Variants in DAB1 observed in about 807,000 individuals in gnomAD.
The protein encoded by DAB1 is DAB adaptor protein 1, also known as disabled homolog 1.
In DAB1, 15 loss-of-function variants were observed where a neutral mutation model predicts 64.6. The ratio of observed to expected loss-of-function variants is 0.23; its 90% CI spans 0.16 to 0.36. The LOEUF (loss-of-function observed/expected upper bound fraction) is 0.36. Among genes scored for constraint, DAB1 ranks in the 10% least tolerant of loss-of-function variants. The probability of loss-of-function intolerance (pLI) is 1.00; values close to 1 mark genes in which losing one functional copy is unlikely to be tolerated. For synonymous variants in DAB1, 235 were observed against 251.9 expected, an observed-to-expected ratio of 0.93 and a Z score of 0.64; for missense variants, 596 against 706.7, an observed-to-expected ratio of 0.84 and a Z score of 1.78.
chr1:57,991,790 G>T (rs985064082), intron 5 of DAB1, among the ~76,000 whole-genome samples: 1 of 139,282 alleles, frequency 7.2e-6, no homozygotes, highest in African/African-American at 2.6e-5. Context: ...AGGCTGCAGT[G>T]AGCTGAGATC....
intron 2 of DAB1, among the ~76,000 whole-genome samples, chr1:57,183,229 G>A (rs779068481): frequency 6.6e-6 from 1 of 152,128 alleles, no homozygotes; most frequent in African/African-American, 2.4e-5. Flanking sequence ...GAGGTGAATG[G>A]GTCTGGATTT....
intron 2 of DAB1, among the ~76,000 whole-genome samples, chr1:57,286,590 T>C (rs1169894173): frequency 6.6e-6 from 1 of 152,196 alleles, no homozygotes; most frequent in Non-Finnish European, 1.5e-5. Flanking sequence ...TAAGCATATA[T>C]AGCTTTTAAA....
intron 7 of DAB1, among the ~76,000 whole-genome samples, chr1:57,432,690 T>C (rs1685559689): frequency 6.6e-6 from 1 of 152,238 alleles, no homozygotes; most frequent in African/African-American, 2.4e-5. Context: ...TTTTCTGTTA[T>C]ATGAGCCAAT....
At chr1:58,462,271 C>T (rs1042887109) in intron 3 of DAB1, among the ~76,000 whole-genome samples, 7 of 151,922 alleles carry the variant, frequency 4.6e-5, no homozygotes, top group African/African-American at 7.2e-5. Context: ...GGACTACAGG[C>T]GCCCGCCACC....
intron 5 of DAB1, among the ~76,000 whole-genome samples, chr1:58,031,058 G>C (rs6699738): frequency 0.4 from 61,220 of 152,018 alleles, 12,627 homozygotes; most frequent in Non-Finnish European, 0.44. Flanking sequence ...GGGGGGATTT[G>C]AGCTGGGTTT....
chr1:58,454,696 G>A lies in DAB1; in HGVS notation n.257+51364C>T, dbSNP rs973336360. 5.3e-5 allele frequency among the ~76,000 whole-genome samples: 8 copies of A among 152,184 alleles called. No individual in the cohort carries two copies. In the South Asian group the frequency reaches 8.3e-4, roughly 16 times the overall value. ...CTCACCCAGGGCTTGATTGAGAGGCGGCTGCCTTGTCCCCTCTGCTCTAGG... is the reference window on the plus strand; with the variant it reads ...CTCACCCAGGGCTTGATTGAGAGGCAGCTGCCTTGTCCCCTCTGCTCTAGG... On this transcript the variant is annotated intron_variant and non_coding_transcript_variant, in intron 3 of 20. Transcript: ENST00000485760.
At chr1:58,333,458 G>A (rs531559657) in intron 4 of DAB1, among the ~76,000 whole-genome samples, 1 of 152,350 alleles carries the variant, frequency 6.6e-6, no homozygotes, top group East Asian at 1.9e-4. Context: ...GATGTTAACA[G>A]AAGAGTTATA....
At chr1:58,030,896 TG>T (rs1646961209) in intron 5 of DAB1, among the ~76,000 whole-genome samples, 2 of 152,296 alleles carry the variant, frequency 1.3e-5, no homozygotes, top group South Asian at 4.1e-4. Flanking sequence ...ATGCAATAAC[TG>T]GTGATGGTCC....
chr1:57,469,951 A>G (rs1053330305), intron 7 of DAB1, among the ~76,000 whole-genome samples: 10 of 152,236 alleles, frequency 6.6e-5, no homozygotes, highest in African/African-American at 1.7e-4. Context: ...TCATTTGACC[A>G]TGAAACTATT....
intron 1 of DAB1, among the ~76,000 whole-genome samples, chr1:57,833,094 A>C (rs1292499697): frequency 6.6e-6 from 1 of 151,780 alleles, no homozygotes; most frequent in East Asian, 1.9e-4. Flanking sequence ...CTATGCTTAC[A>C]GTACTTTTCT....
intron 7 of DAB1, among the ~76,000 whole-genome samples, chr1:57,631,450 A>C (rs1645988254): frequency 6.6e-6 from 1 of 152,172 alleles, no homozygotes. Flanking sequence ...TAACATTTTC[A>C]TTTTCAATTT....
intron 5 of DAB1, among the ~76,000 whole-genome samples, chr1:57,948,308 G>T (rs903142199): frequency 5.9e-5 from 9 of 152,128 alleles, no homozygotes; most frequent in Non-Finnish European, 1.2e-4. Flanking sequence ...GTTAACATTG[G>T]TTTTCTCAGC....
chr1:57,799,170 A>C (rs1651009276), intron 6 of DAB1, among the ~76,000 whole-genome samples: 1 of 152,188 alleles, frequency 6.6e-6, no homozygotes, highest in Non-Finnish European at 1.5e-5. Context: ...AGGTGAAATG[A>C]GATTCGATGA....
At chr1:58,291,489 T>G (rs1017606690) in intron 4 of DAB1, among the ~76,000 whole-genome samples, 4 of 152,146 alleles carry the variant, frequency 2.6e-5, no homozygotes, top group African/African-American at 9.7e-5. Flanking sequence ...CACAGGAAAG[T>G]CAGAAGTTTA....
intron 5 of DAB1, among the ~76,000 whole-genome samples, chr1:57,949,002 C>G (rs1241746795): frequency 6.6e-6 from 1 of 152,176 alleles, no homozygotes; most frequent in Admixed American, 6.6e-5. Context: ...CATCCATGCA[C>G]TCACCAGCAA....
intron 2 of DAB1, among the ~76,000 whole-genome samples, chr1:58,522,073 C>T (rs946900597): frequency 2.0e-5 from 3 of 152,004 alleles, no homozygotes; most frequent in Non-Finnish European, 4.4e-5. Flanking sequence ...GTATATTTCC[C>T]CAAAAATGCA....
chr1:58,180,262 TTTTTC>T (rs1193324678), intron 4 of DAB1, among the ~76,000 whole-genome samples: 2 of 143,878 alleles, frequency 1.4e-5, no homozygotes, highest in African/African-American at 5.0e-5. Context: ...AGATCTTTCT[TTTTTC>T]TTTTTTTTCT....
rs116410715 is a variant in DAB1 at position 58,039,388 on chromosome 1, C to G, written n.387+111123G>C. On this transcript the variant is annotated intron_variant and non_coding_transcript_variant, in intron 5 of 20. Transcript: ENST00000485760. ...AGAAACCACAATAAAGGCTCTTGATCAGGGTCCTGCCTTCCCTCTACCTCC... is the reference window on the plus strand; with the variant it reads ...AGAAACCACAATAAAGGCTCTTGATGAGGGTCCTGCCTTCCCTCTACCTCC... Among the ~76,000 whole-genome samples the G allele has an allele frequency of 5.6e-3, 857 of 152,304 alleles. 8 individuals carry two copies. Among genetic ancestry groups the G allele is most frequent in the African/African-American group, 0.02 (818 of 41,572 alleles).
intron 7 of DAB1, among the ~76,000 whole-genome samples, chr1:57,493,350 G>A (rs79122690): frequency 0.067 from 10,093 of 151,598 alleles, 1,125 homozygotes; most frequent in African/African-American, 0.23. Flanking sequence ...TCTAAATTTA[G>A]CTATATTGGG....
Sources: gnomAD v4.1 joint callset for allele counts (sites outside exome capture counted in the v4.1 genomes callset) on GRCh38, gnomAD v4.1.1 for gene constraint, MANE v1.5 for transcripts, NCBI Gene and HGNC (gene_info 2026-07-23, HGNC 2026-07-21) for gene names.